PCDHA2: variants seen among roughly 807,000 people sequenced by gnomAD.
The protein encoded by PCDHA2 is protocadherin alpha 2, also known as protocadherin alpha-2.
In PCDHA2, 58 loss-of-function variants were observed where a neutral mutation model predicts 66.0. The observed-to-expected ratio is 0.88, with a 90% CI of 0.71 to 1.09. The LOEUF (loss-of-function observed/expected upper bound fraction) is 1.09, where lower values mean the gene tolerates loss of function less well. Ranked by LOEUF, PCDHA2 falls within the 50% of genes least tolerant of loss-of-function variation. PCDHA2 has a pLI of 0.00. For synonymous variants in PCDHA2, 634 were observed against 554.0 expected, an observed-to-expected ratio of 1.14 and a Z score of -2.03; for missense variants, 1,267 against 1,242.3, an observed-to-expected ratio of 1.02 and a Z score of -0.30.
chr5:140,833,567 T>C (rs912727742), intron 1 of PCDHA2, among the ~76,000 whole-genome samples: 2 of 152,176 alleles, frequency 1.3e-5, no homozygotes, highest in Non-Finnish European at 2.9e-5. Flanking sequence ...AAATATAAAA[T>C]GATGAACTCC....
intron 1 of PCDHA2, chr5:140,823,109 C>A (rs1197473169): frequency 6.2e-7 from 1 of 1,614,038 alleles, no homozygotes. Context: ...GTGGAAGTGG[C>A]CGACGTGAAC....
chr5:140,828,212 C>T, intron 1 of PCDHA2: 1 of 1,614,066 alleles, frequency 6.2e-7, no homozygotes, highest in South Asian at 1.1e-5. Flanking sequence ...GGAGGCCAAA[C>T]ACGGCACCTT....
At chr5:140,830,182 C>A (rs2150182524) in intron 1 of PCDHA2, 1 of 1,613,656 alleles carries the variant, frequency 6.2e-7, no homozygotes. Context: ...TGGATGTCAA[C>A]GTGTACCTGA....
chr5:140,962,171 G>T (rs1218733161), intron 1 of PCDHA2, among the ~76,000 whole-genome samples: 1 of 151,902 alleles, frequency 6.6e-6, no homozygotes, highest in Admixed American at 6.6e-5. Flanking sequence ...CACCACACCC[G>T]GCCACTTATA....
chr5:140,848,963 C>G (rs376979276), intron 1 of PCDHA2: 3 of 1,606,264 alleles, frequency 1.9e-6, no homozygotes, highest in Non-Finnish European at 1.7e-6. Flanking sequence ...CACTAGAGGG[C>G]GCGTCCGATG....
chr5:140,930,781 CAATAT>C (rs1259470112), intron 1 of PCDHA2, among the ~76,000 whole-genome samples: 2 of 152,048 alleles, frequency 1.3e-5, no homozygotes, highest in African/African-American at 4.8e-5. Context: ...AATATTTTCA[CAATAT>C]AATAGAATCC....
In PCDHA2 at chr5:140,795,534, A is replaced by T. The variant is rs1554119476; in HGVS notation, c.570A>T (p.Glu190Asp). 1 of 1,614,160 alleles carries T rather than the reference A, an allele frequency of 6.2e-7. No individual in the cohort carries two copies. Among genetic ancestry groups the T allele is most frequent in the South Asian group, 1.1e-5 (1 of 91,068 alleles). ...TACAGGCAAATGATGAACTAAGCGA[A>T]TCTTTGTCTCTCGTGCTGGGGAAAT... ...LDIQANDELS[E>D]SLSLVLGKSL... The change falls in exon 1 of 4, where the codon GAA becomes GAT. Residue 190 changes from glutamate to aspartate, a missense_variant. Glu to Asp is a conservative substitution (Grantham distance 45). Transcript: ENST00000526136.
rs781930086 is a variant in PCDHA2, at chr5:140,857,347, G to C, written c.2388+59995G>C. On this transcript the variant is annotated intron_variant, in intron 1 of 3. Coordinates refer to ENST00000526136, the MANE Select transcript of PCDHA2 (RefSeq NM_018905.3). The stretch of plus-strand genomic sequence containing the variant: ...CCGCGCGGGACGGGGGCTCGCCTCC[G>C]CTGTGGGCCACGGCCAGCGTGTCTG... 2.9e-5 allele frequency: 46 copies of C among 1,598,352 alleles called. 5 individuals are homozygous for C. In the Admixed American group the frequency reaches 3.4e-4, roughly 12 times the overall value.
chr5:140,812,171 T>A (rs1765054824), intron 1 of PCDHA2: 1 of 76,674 alleles, frequency 1.3e-5, no homozygotes, highest in South Asian at 3.8e-4. Context: ...TGTTAGGAGG[T>A]TTGGATTACT....
chr5:140,858,013 G>T, intron 1 of PCDHA2: 1 of 1,596,968 alleles, frequency 6.3e-7, no homozygotes, highest in Middle Eastern at 1.7e-4. Context: ...ACCATGGCGA[G>T]CCGTCGCTGA....
chr5:140,822,906 C>T, intron 1 of PCDHA2: 2 of 1,614,250 alleles, frequency 1.2e-6, no homozygotes, highest in South Asian at 1.1e-5. Context: ...CTGACCGTGA[C>T]TCAGGTGCCA....
chr5:140,805,358 T>G, intron 1 of PCDHA2: 1 of 1,194,716 alleles, frequency 8.4e-7, no homozygotes, highest in Non-Finnish European at 1.0e-6. Context: ...AAATATAGTT[T>G]GGGTCCCCAC....
chr5:140,836,511 CTG>C, intron 1 of PCDHA2: 2 of 1,613,860 alleles, frequency 1.2e-6, no homozygotes, highest in Non-Finnish European at 1.7e-6. Flanking sequence ...GGTGTCCAGT[CTG>C]TTGGTGCTTA....
intron 1 of PCDHA2, chr5:140,884,300 G>C (rs2060088357): frequency 6.2e-7 from 1 of 1,613,712 alleles, no homozygotes; most frequent in Non-Finnish European, 8.5e-7. Context: ...AGCGCCACAG[G>C]CTTCGTCGAG....
chr5:140,809,279 G>A, intron 1 of PCDHA2: 1 of 1,614,106 alleles, frequency 6.2e-7, no homozygotes, highest in South Asian at 1.1e-5. Flanking sequence ...GGATGTCAAC[G>A]TATACCTGAT....
At chr5:141,004,637 A>G (rs149340406) in intron 3 of PCDHA2, among the ~76,000 whole-genome samples, 1,579 of 152,220 alleles carry the variant, frequency 0.01, 12 homozygotes, top group Middle Eastern at 0.058. Flanking sequence ...TTGAAGAAAA[A>G]TTTCCATTTT....
intron 1 of PCDHA2, chr5:140,802,902 C>T (rs782553261): frequency 1.9e-6 from 3 of 1,613,772 alleles, no homozygotes; most frequent in East Asian, 2.2e-5. Context: ...GCTGATGCCT[C>T]GGGTGGGTGG....
At chr5:140,946,345 G>A (rs1292610586) in intron 1 of PCDHA2, among the ~76,000 whole-genome samples, 1 of 151,836 alleles carries the variant, frequency 6.6e-6, no homozygotes, top group Non-Finnish European at 1.5e-5. Flanking sequence ...GTGATGGAGA[G>A]GATGTGGAGA....
At chr5:140,908,529 T>C (rs1250814293) in intron 1 of PCDHA2, among the ~76,000 whole-genome samples, 1 of 152,178 alleles carries the variant, frequency 6.6e-6, no homozygotes, top group Non-Finnish European at 1.5e-5. Flanking sequence ...AAATGTTCAG[T>C]TTCCACCAAA....
Sources: gnomAD v4.1 joint callset for allele counts (sites outside exome capture counted in the v4.1 genomes callset) on GRCh38, gnomAD v4.1.1 for gene constraint, MANE v1.5 for transcripts, NCBI Gene and HGNC (gene_info 2026-07-23, HGNC 2026-07-21) for gene names.